IDI2: variants seen among roughly 807,000 people sequenced by gnomAD.
The protein encoded by IDI2 is isopentenyl-diphosphate delta-isomerase 2.
IDI2 carries 18 observed loss-of-function variants against 14.8 expected under a neutral mutation model. The observed-to-expected ratio is 1.22, with a 90% CI of 0.84 to 1.80. The LOEUF (loss-of-function observed/expected upper bound fraction) is 1.80. IDI2 is among the 40% of genes most tolerant of loss of function. The pLI, the probability that IDI2 is intolerant of heterozygous loss-of-function variation, is 0.00. For missense variants in IDI2, 316 were observed against 283.2 expected (o/e 1.12, Z -0.83); for synonymous variants, 133 against 109.6 (o/e 1.21, Z -1.33).
intron 2 of IDI2, among the ~76,000 whole-genome samples, 169 bp from the exon 3 acceptor site, chr10:1,022,944 G>A (rs1035457191): frequency 3.7e-4 from 57 of 152,230 alleles, no homozygotes; most frequent in African/African-American, 1.3e-3. Flanking sequence ...GAATCTCAGC[G>A]GATTAGAACA....
chr10:1,020,885 T>A lies in IDI2; in HGVS notation c.248A>T (p.Asp83Val). Residue 83 changes from aspartate to valine, a missense_variant, in exon 4 of 5, where the codon GAC (aspartate) becomes GTC (valine). Physicochemically the swap from Asp to Val is radical, Grantham distance 152. Transcript: ENST00000277517. ...TKVTFPGYFT[D>V]SCSSHPLYNP... Reference sequence around the variant, plus strand: ...GTATAATGGGTGGCTACTACAGGAGTCGGTAAAATACCCTGGAAAAAATGC... The same window carrying A: ...GTATAATGGGTGGCTACTACAGGAGACGGTAAAATACCCTGGAAAAAATGC... 1.2e-6 allele frequency: 2 copies of A among 1,612,326 alleles called. No individual in the cohort carries two copies. Among genetic ancestry groups the A allele is most frequent in the Non-Finnish European group, 8.5e-7 (1 of 1,179,284 alleles).
rs1031498735 is a variant in IDI2, at chr10:1,019,075, G to A, written c.*442C>T. The A allele has an allele frequency of 6.2e-6, 1 of 161,360 alleles. No individual in the cohort carries two copies. Among genetic ancestry groups the A allele is most frequent in the Non-Finnish European group, 1.4e-5 (1 of 73,518 alleles). 10.0% of individuals were successfully genotyped at this position (161,360 alleles called of 1,614,324 possible). On this transcript the variant is annotated 3_prime_UTR_variant, in exon 5 of 5. Transcript: ENST00000277517. ...CTTTTTTTTAAAAATGCAGCCTTGT[G>A]TTGCACTCTGAAATAAGTGATTTAA... is the stretch of plus-strand genomic sequence containing the variant.
At chr10:1,024,073 A>G (rs936684532) in intron 2 of IDI2, among the ~76,000 whole-genome samples, 1 of 152,240 alleles carries the variant, frequency 6.6e-6, no homozygotes, top group Non-Finnish European at 1.5e-5. Context: ...ACTGAGAACC[A>G]TTTCAATAGG....
At position 1,019,664 on chromosome 10, in the gene IDI2, C is replaced by T. The variant is rs752119862; in HGVS notation, c.537G>A (p.Leu179=). 16 of 1,614,000 alleles carry T rather than the reference C, an allele frequency of 9.9e-6. 1 individual carries two copies. The highest frequency in any genetic ancestry group is 2.2e-5 in the East Asian group (1 of 44,866). Residue 179 remains leucine (L), a synonymous_variant, in exon 5 of 5, where the codon CTG becomes CTA. Coordinates refer to ENST00000277517, the MANE Select transcript of IDI2 (RefSeq NM_033261.3). ...KSILYLSQEE[L]WELLEREARG... ...TCGCCTCCCTCTCCAGCAGCTCCCACAGCTCCTCCTGGGACAGGTAGAGGA... is the reference window on the plus strand; with the variant it reads ...TCGCCTCCCTCTCCAGCAGCTCCCATAGCTCCTCCTGGGACAGGTAGAGGA...
In IDI2 at chr10:1,019,517, T is replaced by A. The variant is rs41314629; in HGVS notation, c.684A>T (p.Ter228CysextTer23). The A allele has an allele frequency of 0.028, 45,736 of 1,610,136 alleles. 1,269 individuals carry two copies. The highest frequency in any genetic ancestry group is 0.14 in the African/African-American group (10,573 of 74,790). The change falls in exon 5 of 5, where the codon TGA becomes TGT. Residue 228 changes from the stop codon to cysteine (C), a stop_lost. Transcript: ENST00000277517. ...FVELHKIHRV[*>C] ...ATGGCTGACTCGACCTCCCTGCCTC[T>A]CACACTCTGTGTATTTTGTGAAGCT... is the stretch of plus-strand genomic sequence containing the variant.
intron 2 of IDI2, 105 bp downstream of exon 2, chr10:1,024,477 G>T (rs1832174305): frequency 1.6e-6 from 2 of 1,277,162 alleles, no homozygotes; most frequent in South Asian, 1.4e-5. Flanking sequence ...TGACCCAGTG[G>T]TCGCCTCCTA....
Position 1,020,790 on chromosome 10 carries a change from CTGCT to C in IDI2, c.339_342del (p.Ala114SerfsTer17). ...ACCTGCTCCCCAGGAATTCCCAGCT[CTGCT>C]TGCAGACGCCTCTGGGCTGCCCTCC... On this transcript the variant is annotated frameshift_variant, in exon 4 of 5. Coordinates refer to ENST00000277517, the MANE Select transcript of IDI2 (RefSeq NM_033261.3). LOFTEE classifies it low-confidence loss of function (END_TRUNC). 3 of 1,613,236 alleles carry C rather than the reference CTGCT, an allele frequency of 1.9e-6. No individual in the cohort carries two copies. Among genetic ancestry groups the C allele is most frequent in the Non-Finnish European group, 2.5e-6 (3 of 1,179,726 alleles).
chr10:1,021,820 A>G (rs953116054), intron 3 of IDI2, among the ~76,000 whole-genome samples: 1 of 152,202 alleles, frequency 6.6e-6, no homozygotes, highest in African/African-American at 2.4e-5. Context: ...AGGAAGAACT[A>G]AGGGAGGAGA....
At chr10:1,025,053 A>ACACACAC (rs1564476318) in intron 1 of IDI2, among the ~76,000 whole-genome samples, 34 of 80,456 alleles carry the variant, frequency 4.2e-4, no homozygotes, top group South Asian at 5.2e-4. Flanking sequence ...CACACACACA[A>ACACACAC]AACACACCGA....
At chr10:1,022,873 T>G in intron 2 of IDI2, 98 bp from the exon 3 acceptor site, 1 of 896,394 alleles carries the variant, frequency 1.1e-6, no homozygotes, top group Non-Finnish European at 1.8e-6. Context: ...TAGAAAAGCC[T>G]GTGATTGTGG....
chr10:1,022,944 G>T (rs1035457191), intron 2 of IDI2, among the ~76,000 whole-genome samples, 169 bp from the exon 3 acceptor site: 2 of 152,112 alleles, frequency 1.3e-5, no homozygotes, highest in Non-Finnish European at 2.9e-5. Context: ...GAATCTCAGC[G>T]GATTAGAACA....
intron 3 of IDI2, among the ~76,000 whole-genome samples, chr10:1,021,582 C>T (rs113058489): frequency 1.3e-5 from 2 of 152,322 alleles, no homozygotes; most frequent in African/African-American, 2.4e-5. Context: ...CCACCTGCCC[C>T]TATGTATCCT....
Position 1,022,695 on chromosome 10 carries a change from C to CT in IDI2, c.222dup (p.Val75SerfsTer12), listed in dbSNP as rs1832131419. On this transcript the variant is annotated frameshift_variant, in exon 3 of 5. Transcript: ENST00000277517. LOFTEE classifies it high-confidence loss of function. ...TGAACGGACTCACCAGGAAACGTGA[C>CT]TTTCGTGTCCGACCTCTGCTGTATC... The CT allele has an allele frequency of 1.4e-5, 22 of 1,613,690 alleles. No individual in the cohort carries two copies. Among genetic ancestry groups the CT allele is most frequent in the Non-Finnish European group, 1.8e-5 (21 of 1,179,712 alleles).
At chr10:1,024,991 T>A (rs1832187271) in intron 1 of IDI2, among the ~76,000 whole-genome samples, 1 of 133,946 alleles carries the variant, frequency 7.5e-6, no homozygotes, top group South Asian at 2.6e-4. Context: ...TAGTGACGAG[T>A]TAAAGAATCC....
chr10:1,025,528 T>C (rs1832200729), intron 1 of IDI2, among the ~76,000 whole-genome samples: 2 of 139,756 alleles, frequency 1.4e-5, no homozygotes, highest in Admixed American at 1.5e-4. Context: ...GCAGACAGAG[T>C]GAGACTCTGT....
intron 4 of IDI2, 132 bp downstream of exon 4, chr10:1,020,635 A>T: frequency 2.2e-6 from 2 of 914,040 alleles, no homozygotes; most frequent in Non-Finnish European, 3.2e-6. Context: ...AGCCCCATCC[A>T]CAGCCCCATC....
rs1036488709 is a variant in IDI2, at chr10:1,020,991, G to A, written c.236-94C>T. 5.1e-6 allele frequency: 7 copies of A among 1,369,918 alleles called. No homozygotes were observed. The Admixed American group carries it at 6.2e-5, about 12-fold the overall frequency. The allele number at this position is 1,369,918 out of a possible 1,614,324, so 84.9% of individuals were successfully genotyped here. Reference sequence around the variant, plus strand: ...GATGCTTCATGTAAAACCATCATCCGTCATCAGCAGAAGACAGCCTGGCGG... The same window carrying A: ...GATGCTTCATGTAAAACCATCATCCATCATCAGCAGAAGACAGCCTGGCGG... On this transcript the variant is annotated intron_variant, in intron 3 of 4. Transcript: ENST00000277517.
chr10:1,021,032 C>T lies in IDI2; in HGVS notation c.236-135G>A, dbSNP rs1014488794. 7.4e-6 allele frequency: 7 copies of T among 948,912 alleles called. No homozygotes were observed. The African/African-American group carries it at 8.3e-5, about 11-fold the overall frequency. 58.8% of individuals were successfully genotyped at this position (948,912 alleles called of 1,614,324 possible). Reference sequence around the variant, plus strand: ...AGCCTGGCGGGGGGAGTGGGTTTGTCATGGGCTCTCAGAGCAGCACTCGCC... The same window carrying T: ...AGCCTGGCGGGGGGAGTGGGTTTGTTATGGGCTCTCAGAGCAGCACTCGCC... On this transcript the variant is annotated intron_variant, in intron 3 of 4. Transcript: ENST00000277517.
At chr10:1,022,211 A>G (rs1268240339) in intron 3 of IDI2, among the ~76,000 whole-genome samples, 2 of 151,602 alleles carry the variant, frequency 1.3e-5, no homozygotes, top group Non-Finnish European at 1.5e-5. Flanking sequence ...GTGAGCCGAG[A>G]TGGCGCCACT....
Sources: allele counts gnomAD v4.1 joint callset (sites outside exome capture counted in the v4.1 genomes callset), GRCh38; gene constraint gnomAD v4.1.1; transcripts MANE v1.5; gene names NCBI Gene and HGNC (gene_info 2026-07-23, HGNC 2026-07-21).